HSD17B2: variants seen among roughly 807,000 people sequenced by gnomAD.
The protein encoded by HSD17B2 is 17-beta-hydroxysteroid dehydrogenase type 2.
A neutral mutation model predicts 26.9 loss-of-function variants in HSD17B2; 32 were observed. That is an observed-to-expected ratio of 1.19 (90% CI 0.90 to 1.60). The LOEUF is 1.60. Ranked by LOEUF, HSD17B2 falls within the 40% of genes most tolerant of loss-of-function variation. HSD17B2 has a pLI of 0.00. For synonymous variants in HSD17B2, 246 were observed against 186.7 expected, an observed-to-expected ratio of 1.32 and a Z score of -2.59; for missense variants, 613 against 468.6, an observed-to-expected ratio of 1.31 and a Z score of -2.85.
intron 1 of HSD17B2, among the ~76,000 whole-genome samples, chr16:82,045,636 C>T (rs1913903479): frequency 6.6e-6 from 1 of 152,242 alleles, no homozygotes; most frequent in African/African-American, 2.4e-5. Flanking sequence ...CAGCCTCATA[C>T]AATAGTGCCC....
intron 1 of HSD17B2, among the ~76,000 whole-genome samples, chr16:82,055,942 G>A (rs975399559): frequency 1.3e-5 from 2 of 152,198 alleles, no homozygotes; most frequent in South Asian, 2.1e-4. Flanking sequence ...GGAATGAGAA[G>A]TGTAAGCTGG....
intron 2 of HSD17B2, among the ~76,000 whole-genome samples, chr16:82,069,789 G>A (rs1033654287): frequency 2.6e-5 from 4 of 152,144 alleles, no homozygotes; most frequent in African/African-American, 7.2e-5. Context: ...AAAACATGGG[G>A]CCCCTAGCTT....
At chr16:82,089,922 T>C (rs1395298105) in intron 3 of HSD17B2, among the ~76,000 whole-genome samples, 1 of 152,166 alleles carries the variant, frequency 6.6e-6, no homozygotes, top group Non-Finnish European at 1.5e-5. Context: ...TCACTCCCTT[T>C]CTTGGCTTCC....
chr16:82,037,225 A>G (rs1229957662), intron 1 of HSD17B2, among the ~76,000 whole-genome samples: 2 of 152,202 alleles, frequency 1.3e-5, no homozygotes, highest in Non-Finnish European at 2.9e-5. Context: ...AGCACTACAT[A>G]TATTTAAGGA....
intron 1 of HSD17B2, among the ~76,000 whole-genome samples, chr16:82,043,345 G>A (rs1407334635): frequency 6.6e-6 from 1 of 152,178 alleles, no homozygotes; most frequent in East Asian, 1.9e-4. Context: ...GGGGAAAGGG[G>A]TGAGCAGCCA....
In HSD17B2 at chr16:82,098,101, G is replaced by C. The variant is rs147477064; in HGVS notation, c.829G>C (p.Glu277Gln). 2.5e-6 allele frequency: 4 copies of C among 1,613,270 alleles called. No homozygotes were observed. In the African/African-American group the frequency reaches 4.0e-5, roughly 16 times the overall value. The change falls in exon 5 of 5, where the codon GAA becomes CAA. Residue 277 changes from glutamate to glutamine, a missense_variant. Coordinates refer to ENST00000199936, the MANE Select transcript of HSD17B2 (RefSeq NM_002153.3). ...TATCGCAGGCACCAGTGACAAGTGG[G>C]AAAAGCTGGAGAAGGACATTCTGGA... ...TNIAGTSDKW[E>Q]KLEKDILDHL...
chr16:82,039,271 A>ACACG (rs1296529360), intron 1 of HSD17B2, among the ~76,000 whole-genome samples: 8 of 151,198 alleles, frequency 5.3e-5, no homozygotes, highest in African/African-American at 1.9e-4. Context: ...ACACACACAC[A>ACACG]CGCACAAACA....
At chr16:82,085,833 C>T (rs887017976) in intron 3 of HSD17B2, among the ~76,000 whole-genome samples, 2 of 151,972 alleles carry the variant, frequency 1.3e-5, no homozygotes, top group Non-Finnish European at 2.9e-5. Flanking sequence ...TCAGAATCAC[C>T]GGAGGGCTTC....
intron 3 of HSD17B2, among the ~76,000 whole-genome samples, chr16:82,078,192 C>A (rs1303658702): frequency 1.3e-5 from 2 of 152,116 alleles, no homozygotes; most frequent in Non-Finnish European, 2.9e-5. Context: ...AGGAAAAAAT[C>A]AAATAATCTC....
rs1324092121 is a variant in HSD17B2, at chr16:82,068,248, A to G, written c.344A>G (p.Asn115Ser). ...LGFTVFAGVL[N>S]ENGPGAEELR... ...TTCACGGTATTTGCCGGAGTTTTGA[A>G]TGAAAATGGCCCAGGAGCTGAGGAA... The change falls in exon 2 of 5, where the codon AAT becomes AGT. Residue 115 changes from asparagine to serine, a missense_variant. Physicochemically the swap from Asn to Ser is conservative, Grantham distance 46. Coordinates refer to ENST00000199936, the MANE Select transcript of HSD17B2 (RefSeq NM_002153.3). The G allele has an allele frequency of 6.2e-7, 1 of 1,613,720 alleles. No individual in the cohort carries two copies. Among genetic ancestry groups the G allele is most frequent in the Non-Finnish European group, 8.5e-7 (1 of 1,180,002 alleles).
intron 3 of HSD17B2, among the ~76,000 whole-genome samples, chr16:82,077,279 G>A (rs752068723): frequency 1.4e-4 from 21 of 152,116 alleles, no homozygotes; most frequent in East Asian, 7.7e-4. Context: ...CTACAGAGCC[G>A]TAGTAACCAA....
chr16:82,049,534 A>C (rs1200333390), intron 1 of HSD17B2, among the ~76,000 whole-genome samples: 1 of 152,218 alleles, frequency 6.6e-6, no homozygotes, highest in Non-Finnish European at 1.5e-5. Context: ...TGCTTTGAGT[A>C]CAAGGTGTCA....
At chr16:82,085,962 A>C (rs1904516779) in intron 3 of HSD17B2, among the ~76,000 whole-genome samples, 1 of 150,958 alleles carries the variant, frequency 6.6e-6, no homozygotes, top group Non-Finnish European at 1.5e-5. Flanking sequence ...TAAAAAAAAA[A>C]CACACAGAAA....
At chr16:82,086,975 T>A (rs1461724681) in intron 3 of HSD17B2, among the ~76,000 whole-genome samples, 1 of 152,184 alleles carries the variant, frequency 6.6e-6, no homozygotes, top group Non-Finnish European at 1.5e-5. Context: ...TTTCTTCTTA[T>A]AAGGACACTA....
At chr16:82,064,509 C>T (rs148435059) in intron 1 of HSD17B2, among the ~76,000 whole-genome samples, 2 of 152,130 alleles carry the variant, frequency 1.3e-5, no homozygotes, top group African/African-American at 4.8e-5. Context: ...TTTCATTTAT[C>T]TTGGGTACAC....
rs758094527 is a variant in HSD17B2, at chr16:82,068,250, G to A, written c.346G>A (p.Glu116Lys). The change falls in exon 2 of 5, where the codon GAA (glutamate) becomes AAA (lysine). Residue 116 changes from glutamate (E) to lysine (K), a missense_variant. Transcript: ENST00000199936. ...CACGGTATTTGCCGGAGTTTTGAAT[G>A]AAAATGGCCCAGGAGCTGAGGAATT... ...GFTVFAGVLN[E>K]NGPGAEELRR... 1 of 1,614,092 alleles carries A rather than the reference G, an allele frequency of 6.2e-7. No individual in the cohort carries two copies. The highest frequency in any genetic ancestry group is 2.2e-5 in the East Asian group (1 of 44,876).
chr16:82,085,695 T>C (rs1208919895), intron 3 of HSD17B2, among the ~76,000 whole-genome samples: 2 of 152,082 alleles, frequency 1.3e-5, no homozygotes, highest in African/African-American at 4.8e-5. Flanking sequence ...CACTTGGAGA[T>C]CTTGCTAAAA....
intron 1 of HSD17B2, among the ~76,000 whole-genome samples, chr16:82,042,770 C>T (rs1236927588): frequency 6.6e-6 from 1 of 152,064 alleles, no homozygotes; most frequent in Non-Finnish European, 1.5e-5. Context: ...TATAGGCACC[C>T]ACCACCATGC....
intron 1 of HSD17B2, among the ~76,000 whole-genome samples, chr16:82,066,509 T>C (rs1040433167): frequency 6.6e-6 from 1 of 152,122 alleles, no homozygotes; most frequent in Non-Finnish European, 1.5e-5. Context: ...TAGCATAGCC[T>C]TTAAAAAAAG....
Sources: gnomAD v4.1 joint callset for allele counts (sites outside exome capture counted in the v4.1 genomes callset) on GRCh38, gnomAD v4.1.1 for gene constraint, MANE v1.5 for transcripts, NCBI Gene and HGNC (gene_info 2026-07-23, HGNC 2026-07-21) for gene names.